Variants in CWF19L2 observed in about 807,000 individuals in gnomAD.
The protein encoded by CWF19L2 is CWF19 like cell cycle control factor 2, also known as CWF19-like protein 2.
A neutral mutation model predicts 111.7 loss-of-function variants in CWF19L2; 98 were observed. That is an observed-to-expected ratio of 0.88 (90% confidence interval 0.75 to 1.04). The LOEUF (loss-of-function observed/expected upper bound fraction) is 1.04. Among genes scored for constraint, CWF19L2 ranks in the 50% least tolerant of loss-of-function variants. CWF19L2 has a pLI of 0.00. For synonymous variants in CWF19L2, 351 were observed against 342.9 expected, an observed-to-expected ratio of 1.02 and a Z score of -0.26; for missense variants, 1,101 against 1,051.4, an observed-to-expected ratio of 1.05 and a Z score of -0.65.
chr11:107,445,669 G>T (rs1861692067), intron 3 of CWF19L2, among the ~76,000 whole-genome samples: 1 of 150,600 alleles, frequency 6.6e-6, no homozygotes, highest in Non-Finnish European at 1.5e-5. Context: ...ACTGATTCCA[G>T]GAGACCTAAT....
chr11:107,415,543 G>C (rs1861213330), intron 10 of CWF19L2, among the ~76,000 whole-genome samples: 2 of 152,090 alleles, frequency 1.3e-5, no homozygotes, highest in African/African-American at 2.4e-5. Flanking sequence ...AAAGTAATTT[G>C]TTTTATATGA....
chr11:107,358,272 G>C (rs1410397137), intron 12 of CWF19L2, among the ~76,000 whole-genome samples: 2 of 151,360 alleles, frequency 1.3e-5, no homozygotes. Context: ...TGGCTTCCCT[G>C]GGCCACATTG....
chr11:107,439,133 T>G lies in CWF19L2; in HGVS notation c.621A>C (p.Thr207=), dbSNP rs566458524. ...ELNPYWKDGG[T]GLPPEDCSVS... Reference sequence around the variant, plus strand: ...CACTACAGTCTTCAGGTGGAAGACCTGTCCCACCATCCTTCCAGTACGGAT... The same window carrying G: ...CACTACAGTCTTCAGGTGGAAGACCGGTCCCACCATCCTTCCAGTACGGAT... The change falls in exon 6 of 18, where the codon ACA becomes ACC. Residue 207 remains threonine (T), a synonymous_variant. Coordinates refer to ENST00000282251, the MANE Select transcript of CWF19L2 (RefSeq NM_152434.3). 170 of 1,606,960 alleles carry G rather than the reference T, an allele frequency of 1.1e-4. No homozygotes were observed. The highest frequency in any genetic ancestry group is 7.4e-4 in the Admixed American group (44 of 59,756).
chr11:107,382,914 T>C (rs1436761058), intron 12 of CWF19L2, among the ~76,000 whole-genome samples: 2 of 152,190 alleles, frequency 1.3e-5, no homozygotes, highest in Admixed American at 1.3e-4. Context: ...GAAGGAATAC[T>C]GAAGTCAAAA....
intron 12 of CWF19L2, among the ~76,000 whole-genome samples, chr11:107,360,758 T>C (rs992067021): frequency 1.3e-5 from 2 of 152,234 alleles, no homozygotes; most frequent in Non-Finnish European, 2.9e-5. Flanking sequence ...CATTTTTTCA[T>C]TTACCTGTTG....
intron 10 of CWF19L2, among the ~76,000 whole-genome samples, chr11:107,395,370 T>C (rs594432): frequency 0.56 from 84,479 of 152,016 alleles, 25,075 homozygotes; most frequent in African/African-American, 0.78. Context: ...ATTGCCCAGT[T>C]TCGGGTATGT....
intron 8 of CWF19L2, among the ~76,000 whole-genome samples, chr11:107,422,437 G>A (rs1188695651): frequency 6.6e-6 from 1 of 152,020 alleles, no homozygotes; most frequent in Non-Finnish European, 1.5e-5. Context: ...GAGAGCAGGG[G>A]TGTGGGAAAG....
At chr11:107,398,954 A>G (rs997082689) in intron 10 of CWF19L2, among the ~76,000 whole-genome samples, 1 of 152,190 alleles carries the variant, frequency 6.6e-6, no homozygotes, top group Admixed American at 6.5e-5. Context: ...TATGAAGGAA[A>G]GACACAGTTG....
At chr11:107,442,815 G>GGAGGGAGA in intron 4 of CWF19L2, 124 bp downstream of exon 4, 1 of 434,694 alleles carries the variant, frequency 2.3e-6, no homozygotes, top group Non-Finnish European at 4.1e-6. Context: ...AGGGAGGGAG[G>GGAGGGAGA]GAGGGGGAGG....
At chr11:107,359,413 G>T (rs547227609) in intron 12 of CWF19L2, among the ~76,000 whole-genome samples, 5 of 152,272 alleles carry the variant, frequency 3.3e-5, no homozygotes, top group African/African-American at 1.2e-4. Flanking sequence ...ACTATCCCTT[G>T]TAGGGCTGGG....
intron 8 of CWF19L2, among the ~76,000 whole-genome samples, chr11:107,419,798 C>T (rs1270433139): frequency 6.6e-6 from 1 of 152,040 alleles, no homozygotes; most frequent in Non-Finnish European, 1.5e-5. Context: ...GGCTGTGGGA[C>T]AACCTTAAGT....
intron 14 of CWF19L2, among the ~76,000 whole-genome samples, chr11:107,338,132 T>C (rs1859954914): frequency 6.6e-6 from 1 of 152,134 alleles, no homozygotes; most frequent in African/African-American, 2.4e-5. Context: ...TTCACAGGTG[T>C]GATCATAGCA....
chr11:107,456,483 G>A (rs55738881), intron 1 of CWF19L2, among the ~76,000 whole-genome samples: 20 of 151,788 alleles, frequency 1.3e-4, no homozygotes, highest in Non-Finnish European at 2.8e-4. Context: ...CATTACATAT[G>A]TTGAAATTAC....
At chr11:107,347,427 TAACAAC>T (rs770098150) in intron 14 of CWF19L2, among the ~76,000 whole-genome samples, 1 of 151,980 alleles carries the variant, frequency 6.6e-6, no homozygotes, top group South Asian at 2.1e-4. Context: ...GAAAGTAAAA[TAACAAC>T]AACAACAACA....
chr11:107,356,374 T>C (rs1053032626), intron 12 of CWF19L2, among the ~76,000 whole-genome samples: 8 of 152,274 alleles, frequency 5.3e-5, no homozygotes, highest in African/African-American at 1.9e-4. Context: ...AGAAAATTTA[T>C]TTAACACCAT....
intron 16 of CWF19L2, among the ~76,000 whole-genome samples, chr11:107,331,077 T>C (rs537699122): frequency 4.6e-5 from 7 of 152,364 alleles, no homozygotes; most frequent in African/African-American, 1.7e-4. Context: ...CGAAATAGTA[T>C]ATAACATTAA....
intron 12 of CWF19L2, among the ~76,000 whole-genome samples, chr11:107,379,711 A>T (rs1047551228): frequency 6.6e-6 from 1 of 152,182 alleles, no homozygotes; most frequent in Non-Finnish European, 1.5e-5. Context: ...TCCCATTTTG[A>T]TGTCTGCATA....
intron 11 of CWF19L2, among the ~76,000 whole-genome samples, chr11:107,390,990 T>G (rs1860838556): frequency 6.6e-6 from 1 of 152,160 alleles, no homozygotes; most frequent in Non-Finnish European, 1.5e-5. Context: ...TGCTGGATGC[T>G]TCCTGCCCTC....
chr11:107,426,762 AATAT>A (rs968963089), intron 8 of CWF19L2, among the ~76,000 whole-genome samples: 5 of 151,100 alleles, frequency 3.3e-5, no homozygotes, highest in African/African-American at 9.8e-5. Flanking sequence ...ACATATATTA[AATAT>A]ATAAGTTATG....
Sources: allele counts gnomAD v4.1 joint callset (sites outside exome capture counted in the v4.1 genomes callset), GRCh38; gene constraint gnomAD v4.1.1; transcripts MANE v1.5; gene names NCBI Gene and HGNC (gene_info 2026-07-23, HGNC 2026-07-21).